PKIB: variants seen among roughly 807,000 people sequenced by gnomAD.
PKIB encodes cAMP-dependent protein kinase inhibitor beta.
Under a neutral mutation model 4.5 loss-of-function variants are expected in PKIB, and 2 were observed. The observed-to-expected ratio is 0.44, with a 90% confidence interval of 0.18 to 1.39. PKIB has a LOEUF of 1.39. Among genes scored for constraint, PKIB ranks in the 40% most tolerant of loss-of-function variants. The probability of loss-of-function intolerance (pLI) is 0.27; values close to 1 mark genes in which losing one functional copy is unlikely to be tolerated. For missense variants in PKIB, 94 were observed against 92.6 expected (o/e 1.02, Z -0.06); for synonymous variants, 38 against 36.0 (o/e 1.06, Z -0.20).
At chr6:122,489,232 T>G (rs1775868249) in intron 2 of PKIB, among the ~76,000 whole-genome samples, 1 of 150,434 alleles carries the variant, frequency 6.6e-6, no homozygotes, top group Non-Finnish European at 1.5e-5. Flanking sequence ...TTTATTATTA[T>G]TATTATTATT....
intron 1 of PKIB, among the ~76,000 whole-genome samples, chr6:122,617,163 C>T (rs1416702609): frequency 6.6e-6 from 1 of 152,146 alleles, no homozygotes; most frequent in African/African-American, 2.4e-5. Context: ...GGTATTGCAT[C>T]TACCGTATGC....
At chr6:122,669,459 C>T (rs944292605) in intron 2 of PKIB, among the ~76,000 whole-genome samples, 16 of 152,114 alleles carry the variant, frequency 1.1e-4, no homozygotes, top group South Asian at 2.1e-4. Context: ...AGGATAATAA[C>T]ATTCTTTTTT....
At chr6:122,652,905 C>T (rs1776619908) in intron 2 of PKIB, 2 of 152,338 alleles carry the variant, frequency 1.3e-5, no homozygotes, top group South Asian at 4.2e-4. Flanking sequence ...GGTCTTTTCT[C>T]AACAGATTTT....
At chr6:122,703,667 C>T (rs1284198420) in intron 3 of PKIB, among the ~76,000 whole-genome samples, 1 of 151,686 alleles carries the variant, frequency 6.6e-6, no homozygotes, top group Non-Finnish European at 1.5e-5. Flanking sequence ...GAACTATATA[C>T]ACTTATGATG....
At chr6:122,705,657 C>T (rs1173757780) in intron 3 of PKIB, among the ~76,000 whole-genome samples, 1 of 150,930 alleles carries the variant, frequency 6.6e-6, no homozygotes, top group Middle Eastern at 3.5e-3. Context: ...CCTCCAGCTC[C>T]CTGGTTCAAG....
chr6:122,689,953 A>G (rs1778256947), intron 3 of PKIB, among the ~76,000 whole-genome samples: 1 of 152,136 alleles, frequency 6.6e-6, no homozygotes, highest in East Asian at 1.9e-4. Context: ...GGATGCATAT[A>G]TATTTAAAAT....
At chr6:122,494,401 A>G (rs1427448127) in intron 2 of PKIB, among the ~76,000 whole-genome samples, 2 of 152,210 alleles carry the variant, frequency 1.3e-5, no homozygotes, top group East Asian at 1.9e-4. Context: ...GTTCAGAAGT[A>G]TGTAGGGCTG....
chr6:122,615,994 A>C (rs1375040245), intron 1 of PKIB, among the ~76,000 whole-genome samples: 3 of 152,176 alleles, frequency 2.0e-5, no homozygotes, highest in Non-Finnish European at 4.4e-5. Context: ...AAACTAATAC[A>C]GTGGGTGTGA....
intron 2 of PKIB, among the ~76,000 whole-genome samples, chr6:122,581,563 A>G (rs1263273053): frequency 3.9e-5 from 6 of 152,172 alleles, no homozygotes; most frequent in African/African-American, 1.4e-4. Context: ...TAAATGTTGG[A>G]AAGCAATTAC....
intron 2 of PKIB, among the ~76,000 whole-genome samples, chr6:122,633,932 A>ATCTATCTG (rs1416939358): frequency 6.9e-6 from 1 of 145,882 alleles, no homozygotes; most frequent in Non-Finnish European, 1.5e-5. Context: ...TATCTGTCCT[A>ATCTATCTG]TCTATCTATC....
At chr6:122,660,547 A>G (rs1582786250) in intron 2 of PKIB, among the ~76,000 whole-genome samples, 1 of 152,304 alleles carries the variant, frequency 6.6e-6, no homozygotes, top group East Asian at 1.9e-4. Context: ...GTATATGTTT[A>G]CAATTGTAAT....
rs373156022 is a variant in PKIB, at chr6:122,631,811, G to A, written c.-160-1472G>A. On this transcript the variant is annotated intron_variant, in intron 1 of 4. Coordinates refer to ENST00000368452, the MANE Select transcript of PKIB (RefSeq NM_181795.3). Reference sequence around the variant, plus strand: ...CATTCTTTTACCAGTGCATTTGTAAGCTATGTGAGAAGCAAAGGAGAGAGT... The same window carrying A: ...CATTCTTTTACCAGTGCATTTGTAAACTATGTGAGAAGCAAAGGAGAGAGT... Among the ~76,000 whole-genome samples, 90 of 152,294 alleles carry A rather than the reference G, an allele frequency of 5.9e-4. 2 individuals carry two copies. In the South Asian group the frequency reaches 0.014, roughly 23 times the overall value.
At chr6:122,718,964 T>A (rs551262034) in intron 4 of PKIB, among the ~76,000 whole-genome samples, 4 of 151,948 alleles carry the variant, frequency 2.6e-5, no homozygotes, top group Admixed American at 2.0e-4. Flanking sequence ...AGCATACACA[T>A]CAACGTAAAA....
upstream of PKIB, among the ~76,000 whole-genome samples, chr6:122,605,263 G>A (rs567034433): frequency 3.9e-5 from 6 of 152,308 alleles, no homozygotes; most frequent in East Asian, 9.6e-4. Context: ...GCAAATAATG[G>A]ATGGAAGCTT....
intron 2 of PKIB, among the ~76,000 whole-genome samples, chr6:122,500,281 G>T (rs909867118): frequency 6.6e-6 from 1 of 151,096 alleles, no homozygotes; most frequent in Admixed American, 6.6e-5. Flanking sequence ...AAGTGGTAGA[G>T]ATTATATCAC....
chr6:122,505,574 G>A (rs1009688898), intron 2 of PKIB, among the ~76,000 whole-genome samples: 58 of 152,196 alleles, frequency 3.8e-4, no homozygotes, highest in African/African-American at 1.2e-3. Flanking sequence ...TATTTAAGAG[G>A]GTTTTCGTTT....
intron 2 of PKIB, among the ~76,000 whole-genome samples, chr6:122,484,927 C>G (rs966036367): frequency 2.6e-5 from 4 of 152,178 alleles, no homozygotes; most frequent in African/African-American, 9.7e-5. Context: ...TTGGCCAATC[C>G]TAGCAGCAGA....
At chr6:122,526,989 A>G (rs1777110150) in intron 2 of PKIB, among the ~76,000 whole-genome samples, 1 of 152,174 alleles carries the variant, frequency 6.6e-6, no homozygotes, top group South Asian at 2.1e-4. Context: ...CGTCTTCTGG[A>G]TAACTTGCTA....
At chr6:122,688,533 GTTC>G (rs571595399) in intron 3 of PKIB, among the ~76,000 whole-genome samples, 245 of 152,140 alleles carry the variant, frequency 1.6e-3, no homozygotes, top group Non-Finnish European at 3.1e-3. Flanking sequence ...ACTGGTATTA[GTTC>G]TTCTTTAAAT....
Sources: gnomAD v4.1 joint callset for allele counts (sites outside exome capture counted in the v4.1 genomes callset) on GRCh38, gnomAD v4.1.1 for gene constraint, MANE v1.5 for transcripts, NCBI Gene and HGNC (gene_info 2026-07-23, HGNC 2026-07-21) for gene names.